Variants in RBFOX1 observed in about 807,000 individuals in gnomAD.
RBFOX1 encodes the protein RNA binding fox-1 homolog 1.
A neutral mutation model predicts 57.7 loss-of-function variants in RBFOX1; 8 were observed. The ratio of observed to expected loss-of-function variants is 0.14; its 90% CI spans 0.08 to 0.25. RBFOX1 has a LOEUF of 0.25. RBFOX1 is among the 10% of genes least tolerant of loss of function. The pLI is 1.00. For missense variants in RBFOX1, 611 were observed against 548.5 expected (o/e 1.11, Z -1.14); for synonymous variants, 326 against 222.4 (o/e 1.47, Z -4.15).
intron 3 of RBFOX1, among the ~76,000 whole-genome samples, chr16:6,903,546 G>T (rs985376773): frequency 6.6e-6 from 1 of 152,162 alleles, no homozygotes; most frequent in Non-Finnish European, 1.5e-5. Context: ...ATGTGAGCTC[G>T]GAGTGAGTTC....
rs150391103 is a variant in RBFOX1, at chr16:6,147,166, T to A, written c.-127+127174T>A. Among the ~76,000 whole-genome samples, 51 of 152,318 alleles carry A rather than the reference T, an allele frequency of 3.3e-4. No homozygotes were observed. The East Asian group carries it at 9.3e-3, about 28-fold the overall frequency. On this transcript the variant is annotated intron_variant, in intron 1 of 15. Transcript: ENST00000550418. ...GCCTTTTCCATCCCACTCCAACTGTTACCTAAAAGGACCTCTTCAGAGCCT... is the reference window on the plus strand; with the variant it reads ...GCCTTTTCCATCCCACTCCAACTGTAACCTAAAAGGACCTCTTCAGAGCCT...
chr16:6,959,662 C>T (rs916909934), intron 3 of RBFOX1, among the ~76,000 whole-genome samples: 2 of 152,026 alleles, frequency 1.3e-5, no homozygotes, highest in African/African-American at 4.8e-5. Flanking sequence ...TGAGGCTGGG[C>T]GTAATGGCTC....
chr16:6,865,477 C>T (rs187702438), intron 3 of RBFOX1, among the ~76,000 whole-genome samples: 6 of 152,186 alleles, frequency 3.9e-5, no homozygotes, highest in African/African-American at 7.2e-5. Context: ...CACCCAGGCA[C>T]CTTCTTGTTT....
rs1327245877 is a variant in RBFOX1, at chr16:7,014,912, A to C, written c.-15-37145A>C. Among the ~76,000 whole-genome samples the C allele has an allele frequency of 2.6e-5, 4 of 151,854 alleles. No homozygotes were observed. The East Asian group carries it at 7.8e-4, about 30-fold the overall frequency. On this transcript the variant is annotated intron_variant, in intron 3 of 15. Transcript: ENST00000550418. ...GCTAATTTTTTTGTATTTTTACTAG[A>C]GGCACTTTTGAACATATTGGCCAGG...
At chr16:6,912,574 T>C (rs2071932165) in intron 3 of RBFOX1, among the ~76,000 whole-genome samples, 2 of 151,936 alleles carry the variant, frequency 1.3e-5, no homozygotes, top group Admixed American at 1.3e-4. Flanking sequence ...TCTTTTACTT[T>C]TTCTTTCTTG....
intron 3 of RBFOX1, among the ~76,000 whole-genome samples, chr16:6,754,302 C>T (rs527944054): frequency 2.5e-4 from 38 of 152,268 alleles, no homozygotes; most frequent in Non-Finnish European, 5.0e-4. Flanking sequence ...ACTCAATATC[C>T]TCAATCCAAA....
intron 3 of RBFOX1, among the ~76,000 whole-genome samples, chr16:6,739,429 G>C (rs2071390308): frequency 6.6e-6 from 1 of 152,024 alleles, no homozygotes; most frequent in African/African-American, 2.4e-5. Flanking sequence ...TAGATAATTT[G>C]AATGACCCTA....
At chr16:6,672,082 C>A (rs138230371) in intron 3 of RBFOX1, among the ~76,000 whole-genome samples, 3 of 152,146 alleles carry the variant, frequency 2.0e-5, no homozygotes, top group African/African-American at 7.2e-5. Context: ...TAATCACATT[C>A]GGTTTCAAAG....
At chr16:6,482,827 A>T (rs139757407) in intron 2 of RBFOX1, among the ~76,000 whole-genome samples, 2,326 of 152,298 alleles carry the variant, frequency 0.015, 35 homozygotes, top group Middle Eastern at 0.024. Flanking sequence ...GAAGTCATAA[A>T]TACTGTCCCG....
At chr16:5,928,128 C>CA (rs2058973615) in intron 4 of RBFOX1, among the ~76,000 whole-genome samples, 1 of 151,996 alleles carries the variant, frequency 6.6e-6, no homozygotes, top group South Asian at 2.1e-4. Context: ...GGGTATTGCT[C>CA]TGTCACCCAG....
intron 2 of RBFOX1, among the ~76,000 whole-genome samples, chr16:6,457,168 G>A (rs557803325): frequency 7.2e-5 from 11 of 152,106 alleles, no homozygotes; most frequent in Non-Finnish European, 1.2e-4. Flanking sequence ...ACATTGAGAC[G>A]TTTCCCAGAG....
At chr16:7,498,773 A>G (rs1194981560) in intron 4 of RBFOX1, among the ~76,000 whole-genome samples, 1 of 152,168 alleles carries the variant, frequency 6.6e-6, no homozygotes, top group African/African-American at 2.4e-5. Context: ...AGGTGAAACT[A>G]CAATGCTTAA....
chr16:7,090,292 C>G (rs1229165432), intron 4 of RBFOX1, among the ~76,000 whole-genome samples: 2 of 152,168 alleles, frequency 1.3e-5, no homozygotes, highest in East Asian at 1.9e-4. Flanking sequence ...AAAGTAACCT[C>G]TTTATATGCA....
At chr16:6,886,088 A>T (rs1397627419) in intron 3 of RBFOX1, among the ~76,000 whole-genome samples, 3 of 139,560 alleles carry the variant, frequency 2.1e-5, no homozygotes, top group African/African-American at 8.3e-5. Flanking sequence ...TTTGAGACGG[A>T]GTCTCGCTCT....
chr16:7,146,633 C>G (rs116764765), intron 4 of RBFOX1, among the ~76,000 whole-genome samples: 1,779 of 152,146 alleles, frequency 0.012, 38 homozygotes, highest in African/African-American at 0.04. Context: ...TCCAGAAACT[C>G]AGAACCCAGC....
intron 1 of RBFOX1, among the ~76,000 whole-genome samples, chr16:5,318,966 A>T (rs998553917): frequency 2.0e-5 from 3 of 152,120 alleles, no homozygotes; most frequent in African/African-American, 7.2e-5. Context: ...TCTCTACTAA[A>T]AATACAAAAA....
intron 1 of RBFOX1, among the ~76,000 whole-genome samples, chr16:5,367,858 C>G (rs575807533): frequency 6.6e-6 from 1 of 152,290 alleles, no homozygotes; most frequent in East Asian, 1.9e-4. Flanking sequence ...GAGTTAACCT[C>G]CAGCAAGAGG....
intron 1 of RBFOX1, among the ~76,000 whole-genome samples, chr16:6,259,508 C>T (rs575919095): frequency 6.6e-6 from 1 of 152,176 alleles, no homozygotes; most frequent in Admixed American, 6.6e-5. Flanking sequence ...TTTCTTCTTT[C>T]TCTCTCCTCA....
rs1337488500 is a variant in RBFOX1, at chr16:6,035,891, G to A, written c.-127+15899G>A. Among the ~76,000 whole-genome samples the A allele has an allele frequency of 2.6e-5, 4 of 152,300 alleles. No homozygotes were observed. In the East Asian group the frequency reaches 7.7e-4, roughly 29 times the overall value. ...ATTTTTCAGTTACTCTGAGAAAAGT[G>A]CTTGATAGATGGGAAGAAATGTCTA... On this transcript the variant is annotated intron_variant, in intron 1 of 15. Transcript: ENST00000550418.
Sources: allele counts gnomAD v4.1 joint callset (sites outside exome capture counted in the v4.1 genomes callset), GRCh38; gene constraint gnomAD v4.1.1; transcripts MANE v1.5; gene names NCBI Gene and HGNC (gene_info 2026-07-23, HGNC 2026-07-21).